Variants in GPA33 observed in about 807,000 individuals in gnomAD.
GPA33 encodes the protein cell surface A33 antigen.
GPA33 carries 27 observed loss-of-function variants against 35.6 expected under a neutral mutation model. The observed-to-expected ratio is 0.76, with a 90% CI of 0.56 to 1.04. GPA33 has a LOEUF of 1.04. Ranked by LOEUF, GPA33 falls within the 50% of genes least tolerant of loss-of-function variation. GPA33 has a pLI of 0.00. For missense variants in GPA33, 428 were observed against 411.9 expected (o/e 1.04, Z -0.34); for synonymous variants, 176 against 164.0 (o/e 1.07, Z -0.56).
At chr1:167,083,735 G>A (rs919963044) in intron 1 of GPA33, among the ~76,000 whole-genome samples, 1 of 152,138 alleles carries the variant, frequency 6.6e-6, no homozygotes, top group Non-Finnish European at 1.5e-5. Flanking sequence ...GAGAAAATAG[G>A]AGAAGAGATG....
intron 1 of GPA33, among the ~76,000 whole-genome samples, chr1:167,079,357 C>A (rs534433288): frequency 6.6e-6 from 1 of 151,804 alleles, no homozygotes; most frequent in Non-Finnish European, 1.5e-5. Flanking sequence ...CCAGGTGTGG[C>A]AGCATGCACC....
intron 3 of GPA33, 95 bp downstream of exon 3, chr1:167,068,827 G>A (rs897119700): frequency 3.2e-5 from 27 of 852,662 alleles, no homozygotes; most frequent in Non-Finnish European, 5.2e-5. Flanking sequence ...CCTTGTTGCT[G>A]CCTCTGGCTT....
Position 167,057,288 on chromosome 1 carries a change from G to A in GPA33, c.572-1439C>T, listed in dbSNP as rs115779343. On this transcript the variant is annotated intron_variant, in intron 4 of 6. Coordinates refer to ENST00000367868, the MANE Select transcript of GPA33 (RefSeq NM_005814.3). ...TCCTATGAATTTCTTCATCTTGAAAGCAAGAGCTTTGTGCTTGGGCATATG... is the reference window on the plus strand; with the variant it reads ...TCCTATGAATTTCTTCATCTTGAAAACAAGAGCTTTGTGCTTGGGCATATG... Among the ~76,000 whole-genome samples the A allele has an allele frequency of 5.4e-3, 828 of 152,180 alleles. 11 individuals are homozygous for A. The highest frequency in any genetic ancestry group is 0.019 in the African/African-American group (777 of 41,476).
At chr1:167,072,391 A>G (rs2102190538) in intron 2 of GPA33, among the ~76,000 whole-genome samples, 1 of 152,358 alleles carries the variant, frequency 6.6e-6, no homozygotes, top group Admixed American at 6.5e-5. Flanking sequence ...AATAGCGAAC[A>G]GTTTGAGAAT....
At position 167,055,061 on chromosome 1, in the gene GPA33, C is replaced by T; in HGVS notation, c.742G>A (p.Ala248Thr). ...YVGIAVGVVA[A>T]LIIIGIIIYC... ...ATGATGATGCCAATGATAATGAGGG[C>T]TGCAACCACGCCCACCGCGATGCCC... is the stretch of plus-strand genomic sequence containing the variant. Residue 248 changes from alanine to threonine, a missense_variant, in exon 6 of 7, where the codon GCC becomes ACC. Physicochemically the swap from Ala to Thr is moderately conservative, Grantham distance 58. Coordinates refer to ENST00000367868, the MANE Select transcript of GPA33 (RefSeq NM_005814.3). 2 of 1,613,708 alleles carry T rather than the reference C, an allele frequency of 1.2e-6. No individual in the cohort carries two copies. Among genetic ancestry groups the T allele is most frequent in the South Asian group, 1.1e-5 (1 of 91,064 alleles).
At position 167,062,646 on chromosome 1, in the gene GPA33, C is replaced by CTTTTTTTTTTTTT. The variant is rs768326263; in HGVS notation, c.571+923_571+935dup. Among the ~76,000 whole-genome samples the CTTTTTTTTTTTTT allele has an allele frequency of 4.4e-3, 350 of 79,928 alleles. 8 individuals are homozygous for CTTTTTTTTTTTTT. The highest frequency in any genetic ancestry group is 6.8e-3 in the Non-Finnish European group (289 of 42,486). The allele number at this position is 79,928 out of a possible 152,430, so 52.4% of individuals were successfully genotyped here. A position where few individuals can be genotyped will look rare whatever the true frequency, so the allele number is the denominator to read the frequency against. ...TGGTAGGATTTTTATATAGCTCTTT[C>CTTTTTTTTTTTTT]TTTTTTTTTTTTTTTTTTTTTCAGT... On this transcript the variant is annotated intron_variant, in intron 4 of 6. Transcript: ENST00000367868.
At chr1:167,080,041 C>T (rs567881822) in intron 1 of GPA33, among the ~76,000 whole-genome samples, 9 of 152,242 alleles carry the variant, frequency 5.9e-5, no homozygotes, top group Non-Finnish European at 1.0e-4. Context: ...CCTCACTTTC[C>T]GCTTCCTTGT....
intron 5 of GPA33, among the ~76,000 whole-genome samples, chr1:167,055,360 C>G (rs1666218789): frequency 6.6e-6 from 1 of 152,138 alleles, no homozygotes; most frequent in African/African-American, 2.4e-5. Context: ...AGATGTCAGC[C>G]CAGCCAGCTC....
At chr1:167,079,079 G>T (rs903278224) in intron 1 of GPA33, among the ~76,000 whole-genome samples, 19 of 152,138 alleles carry the variant, frequency 1.2e-4, no homozygotes, top group African/African-American at 4.3e-4. Context: ...AATTGCTAAT[G>T]ATTATAACTA....
At chr1:167,074,876 G>C (rs1347864846) in intron 1 of GPA33, among the ~76,000 whole-genome samples, 3 of 150,202 alleles carry the variant, frequency 2.0e-5, no homozygotes, top group African/African-American at 7.4e-5. Context: ...GCCCTGGAGA[G>C]ATTTAAGCAG....
At chr1:167,079,370 T>C (rs916170545) in intron 1 of GPA33, among the ~76,000 whole-genome samples, 9 of 150,276 alleles carry the variant, frequency 6.0e-5, no homozygotes, top group African/African-American at 1.2e-4. Context: ...CATGCACCTG[T>C]AGTTACAAAA....
At chr1:167,076,307 G>C (rs982510303) in intron 1 of GPA33, among the ~76,000 whole-genome samples, 2 of 152,156 alleles carry the variant, frequency 1.3e-5, no homozygotes, top group African/African-American at 4.8e-5. Context: ...TAGAAGAGAT[G>C]CCGGGCTGTC....
chr1:167,071,938 G>A (rs931138059), intron 2 of GPA33, among the ~76,000 whole-genome samples: 3 of 152,182 alleles, frequency 2.0e-5, no homozygotes, highest in African/African-American at 7.2e-5. Flanking sequence ...TTAACACCCA[G>A]AAAACTGTCA....
intron 4 of GPA33, 69 bp from the exon 5 acceptor site, chr1:167,055,918 G>A: frequency 6.5e-7 from 1 of 1,542,808 alleles, no homozygotes. Context: ...GGAATGGGAG[G>A]TCTGGACTCC....
rs145486614 is a variant in GPA33, at chr1:167,090,250, CAG to C, written c.36_37del (p.Ala14SerfsTer46). The C allele has an allele frequency of 1.2e-6, 2 of 1,612,978 alleles. No homozygotes were observed. The highest frequency in any genetic ancestry group is 1.7e-6 in the Non-Finnish European group (2 of 1,178,934). On this transcript the variant is annotated frameshift_variant, in exon 1 of 7. Coordinates refer to ENST00000367868, the MANE Select transcript of GPA33 (RefSeq NM_005814.3). LOFTEE classifies it high-confidence loss of function. Reference sequence around the variant, plus strand: ...GAGAAAAGGGGCCTACTCACCTGCACAGAGTGTCCACAACACAGGCCACATCT... The same window carrying C: ...GAGAAAAGGGGCCTACTCACCTGCACAGTGTCCACAACACAGGCCACATCT...
At chr1:167,071,515 T>C (rs955856550) in intron 2 of GPA33, among the ~76,000 whole-genome samples, 1 of 152,208 alleles carries the variant, frequency 6.6e-6, no homozygotes, top group Non-Finnish European at 1.5e-5. Context: ...CATATCCTTG[T>C]GCAGGGTGCA....
intron 1 of GPA33, among the ~76,000 whole-genome samples, chr1:167,076,928 G>C (rs1168003304): frequency 6.6e-6 from 1 of 152,154 alleles, no homozygotes; most frequent in Non-Finnish European, 1.5e-5. Flanking sequence ...TTTGCTGGCA[G>C]GGCGCAGTGG....
chr1:167,066,831 C>T (rs563269198), intron 3 of GPA33, among the ~76,000 whole-genome samples: 2 of 152,294 alleles, frequency 1.3e-5, no homozygotes, highest in Non-Finnish European at 2.9e-5. Flanking sequence ...AGCACCGGGT[C>T]CCCGGTCCCG....
rs183781769 is a variant in GPA33 at position 167,063,496 on chromosome 1, G to C, written c.571+86C>G. The stretch of plus-strand genomic sequence containing the variant: ...AGCGGCCTTCAGGGGGATCTGATCG[G>C]TCAACCCAAGTTGCAGCCCCTAGCC... On this transcript the variant is annotated intron_variant, in intron 4 of 6. Coordinates refer to ENST00000367868, the MANE Select transcript of GPA33 (RefSeq NM_005814.3). The C allele has an allele frequency of 3.9e-6, 5 of 1,272,610 alleles. No homozygotes were observed. The East Asian group carries it at 1.2e-4, about 30-fold the overall frequency. The allele number at this position is 1,272,610 out of a possible 1,614,324, so 78.8% of individuals were successfully genotyped here.
Sources: allele counts gnomAD v4.1 joint callset (sites outside exome capture counted in the v4.1 genomes callset), GRCh38; gene constraint gnomAD v4.1.1; transcripts MANE v1.5; gene names NCBI Gene and HGNC (gene_info 2026-07-23, HGNC 2026-07-21).